Variants in GPC5 observed in about 807,000 individuals in gnomAD.
The protein encoded by GPC5 is glypican 5, also known as glypican-5.
Under a neutral mutation model 53.9 loss-of-function variants are expected in GPC5, and 47 were observed. That is an observed-to-expected ratio of 0.87 (90% CI 0.69 to 1.11). The LOEUF is 1.11. GPC5 is among the 50% of genes most tolerant of loss of function. GPC5 has a pLI of 0.00. For synonymous variants in GPC5, 286 were observed against 263.3 expected, an observed-to-expected ratio of 1.09 and a Z score of -0.84; for missense variants, 748 against 713.1, an observed-to-expected ratio of 1.05 and a Z score of -0.56.
intron 6 of GPC5, among the ~76,000 whole-genome samples, chr13:92,094,099 T>C (rs2041401820): frequency 6.6e-6 from 1 of 152,348 alleles, no homozygotes; most frequent in East Asian, 1.9e-4. Flanking sequence ...CTGTTTTTAA[T>C]GATCAATTAT....
At chr13:92,572,006 G>C (rs552261633) in intron 7 of GPC5, among the ~76,000 whole-genome samples, 77 of 152,214 alleles carry the variant, frequency 5.1e-4, no homozygotes, top group Non-Finnish European at 9.4e-4. Flanking sequence ...CTGCACGCCG[G>C]CCTGGACAAC....
intron 7 of GPC5, among the ~76,000 whole-genome samples, chr13:92,422,396 G>C (rs16947580): frequency 6.6e-6 from 1 of 151,478 alleles, no homozygotes; most frequent in African/African-American, 2.4e-5. Flanking sequence ...GGCTCAGCAG[G>C]CTTCCAGCCC....
At chr13:92,145,297 A>G (rs2041859130) in intron 7 of GPC5, among the ~76,000 whole-genome samples, 1 of 152,200 alleles carries the variant, frequency 6.6e-6, no homozygotes, top group Non-Finnish European at 1.5e-5. Flanking sequence ...ATATTGATAC[A>G]TAACGTGAAA....
At chr13:91,626,154 T>C (rs2033994232) in intron 2 of GPC5, among the ~76,000 whole-genome samples, 1 of 152,184 alleles carries the variant, frequency 6.6e-6, no homozygotes, top group Non-Finnish European at 1.5e-5. Flanking sequence ...AGAAAAGAAC[T>C]CTAACTTGTC....
intron 7 of GPC5, among the ~76,000 whole-genome samples, chr13:92,439,600 G>A (rs1466062269): frequency 6.6e-6 from 1 of 152,046 alleles, no homozygotes; most frequent in African/African-American, 2.4e-5. Context: ...GAAGGGTATT[G>A]GATGAAAGTA....
chr13:91,939,310 A>T (rs1268625691), intron 6 of GPC5, among the ~76,000 whole-genome samples: 1 of 152,150 alleles, frequency 6.6e-6, no homozygotes, highest in African/African-American at 2.4e-5. Flanking sequence ...GCTTAAAACA[A>T]ATTAATTTTA....
At chr13:91,640,847 A>C (rs1222267499) in intron 2 of GPC5, among the ~76,000 whole-genome samples, 2 of 152,030 alleles carry the variant, frequency 1.3e-5, no homozygotes, top group Admixed American at 6.6e-5. Context: ...TTGCAGCACT[A>C]TTCACAATAG....
At chr13:91,747,526 C>T (rs1333323083) in intron 4 of GPC5, among the ~76,000 whole-genome samples, 1 of 152,176 alleles carries the variant, frequency 6.6e-6, no homozygotes, top group Non-Finnish European at 1.5e-5. Context: ...TAGAATTTAC[C>T]CCACTGCCTG....
chr13:92,363,570 C>A (rs879926697), intron 7 of GPC5, among the ~76,000 whole-genome samples: 1 of 151,738 alleles, frequency 6.6e-6, no homozygotes, highest in Non-Finnish European at 1.5e-5. Context: ...GTGGAGAGCT[C>A]AGTGGATAAT....
At chr13:91,709,718 A>G (rs2036185936) in intron 3 of GPC5, among the ~76,000 whole-genome samples, 1 of 152,240 alleles carries the variant, frequency 6.6e-6, no homozygotes, top group African/African-American at 2.4e-5. Flanking sequence ...GCAGATGCCC[A>G]AAGGCAAGAG....
chr13:92,668,437 T>A (rs1195306678), intron 7 of GPC5, among the ~76,000 whole-genome samples: 1 of 152,176 alleles, frequency 6.6e-6, no homozygotes, highest in Non-Finnish European at 1.5e-5. Context: ...ACCTTCTCAC[T>A]ATTCAGTTGG....
intron 5 of GPC5, among the ~76,000 whole-genome samples, chr13:91,901,234 T>C (rs547625049): frequency 5.3e-5 from 8 of 152,206 alleles, no homozygotes; most frequent in African/African-American, 1.9e-4. Flanking sequence ...AACATAGGTG[T>C]CAAATTTAGA....
At chr13:91,532,676 C>T (rs542799951) in intron 2 of GPC5, among the ~76,000 whole-genome samples, 46 of 151,972 alleles carry the variant, frequency 3.0e-4, no homozygotes, top group South Asian at 6.2e-4. Context: ...GACCAGCCTG[C>T]GCAACATGCT....
At chr13:91,588,467 C>T (rs1381546777) in intron 2 of GPC5, among the ~76,000 whole-genome samples, 1 of 152,086 alleles carries the variant, frequency 6.6e-6, no homozygotes, top group Non-Finnish European at 1.5e-5. Context: ...GATAGTGCCA[C>T]TTTTATGAGA....
At chr13:91,543,575 A>G (rs2030097158) in intron 2 of GPC5, among the ~76,000 whole-genome samples, 1 of 151,554 alleles carries the variant, frequency 6.6e-6, no homozygotes, top group Non-Finnish European at 1.5e-5. Flanking sequence ...ATGTTATAGT[A>G]AAAATACCTA....
intron 4 of GPC5, among the ~76,000 whole-genome samples, chr13:91,750,980 G>C (rs1324423423): frequency 1.3e-5 from 2 of 151,972 alleles, no homozygotes; most frequent in African/African-American, 4.8e-5. Context: ...TTTTTGACCA[G>C]TTCACTATGC....
At chr13:91,876,713 C>T (rs2039206310) in intron 5 of GPC5, among the ~76,000 whole-genome samples, 1 of 152,082 alleles carries the variant, frequency 6.6e-6, no homozygotes, top group Admixed American at 6.6e-5. Context: ...AAAGAAAAAC[C>T]CATTTTCGGG....
intron 5 of GPC5, among the ~76,000 whole-genome samples, chr13:91,809,319 T>C (rs192268629): frequency 3.9e-5 from 6 of 152,284 alleles, no homozygotes; most frequent in African/African-American, 1.4e-4. Context: ...GCAATTATCC[T>C]GTCTGCAGAA....
intron 7 of GPC5, among the ~76,000 whole-genome samples, chr13:92,212,640 C>T (rs1249386039): frequency 1.3e-5 from 2 of 152,112 alleles, no homozygotes; most frequent in Non-Finnish European, 2.9e-5. Context: ...TTTGCTTATT[C>T]TAGAGCTTGT....
Sources: allele counts gnomAD v4.1 joint callset (sites outside exome capture counted in the v4.1 genomes callset), GRCh38; gene constraint gnomAD v4.1.1; transcripts MANE v1.5; gene names NCBI Gene and HGNC (gene_info 2026-07-23, HGNC 2026-07-21).